Variants in EDNRB observed in about 807,000 individuals in gnomAD.
EDNRB encodes endothelin receptor type B, also known as Hirschsprung disease 2.
In EDNRB, 18 loss-of-function variants were observed where a neutral mutation model predicts 46.4. The observed-to-expected ratio is 0.39, with a 90% CI of 0.27 to 0.57. The LOEUF is 0.57. EDNRB is among the 20% of genes least tolerant of loss of function. EDNRB has a pLI of 0.61. For missense variants in EDNRB, 434 were observed against 537.5 expected, an observed-to-expected ratio of 0.81 and a Z score of 1.90; for synonymous variants, 213 against 204.9, an observed-to-expected ratio of 1.04 and a Z score of -0.34.
chr13:77,902,029 C>T (rs1001774503), intron 3 of EDNRB, among the ~76,000 whole-genome samples: 5 of 151,954 alleles, frequency 3.3e-5, no homozygotes, highest in Non-Finnish European at 7.4e-5. Context: ...CTTTTACACT[C>T]AGGATCTATC....
chr13:77,912,999 G>GA (rs1389490296), intron 1 of EDNRB, among the ~76,000 whole-genome samples: 1 of 151,998 alleles, frequency 6.6e-6, no homozygotes, highest in African/African-American at 2.4e-5. Flanking sequence ...TTACTGACTG[G>GA]AAAATTATAA....
intron 1 of EDNRB, among the ~76,000 whole-genome samples, chr13:77,928,722 A>G (rs1206490103): frequency 1.3e-5 from 2 of 152,212 alleles, no homozygotes; most frequent in African/African-American, 4.8e-5. Flanking sequence ...GTCTGAGAAC[A>G]ATGCTATTCT....
At chr13:77,954,896 C>A (rs1881193243) in intron 1 of EDNRB, among the ~76,000 whole-genome samples, 1 of 152,126 alleles carries the variant, frequency 6.6e-6, no homozygotes, top group Non-Finnish European at 1.5e-5. Flanking sequence ...GTTTCCATAT[C>A]TTGGCTATTG....
chr13:77,901,497 T>A (rs1275948058), intron 3 of EDNRB, among the ~76,000 whole-genome samples: 1 of 152,024 alleles, frequency 6.6e-6, no homozygotes, highest in Admixed American at 6.6e-5. Flanking sequence ...AATTCAATGC[T>A]TTGTCTTCAC....
At chr13:77,955,270 C>A (rs1440470090) in intron 1 of EDNRB, among the ~76,000 whole-genome samples, 1 of 152,044 alleles carries the variant, frequency 6.6e-6, no homozygotes, top group South Asian at 2.1e-4. Flanking sequence ...ATTTGTATGT[C>A]TTTGGAGAAA....
intron 3 of EDNRB, 25 bp downstream of exon 3, chr13:77,903,131 G>C: frequency 6.2e-7 from 1 of 1,610,912 alleles, no homozygotes; most frequent in Non-Finnish European, 8.5e-7. Context: ...AGAGCAGAAA[G>C]GAAAATAAAA....
At chr13:77,914,856 A>G (rs1447043656) in intron 1 of EDNRB, among the ~76,000 whole-genome samples, 1 of 152,230 alleles carries the variant, frequency 6.6e-6, no homozygotes, top group Non-Finnish European at 1.5e-5. Context: ...GTGATTTGTC[A>G]ACTTTACTGA....
chr13:77,972,985 T>C (rs1881781201), intron 1 of EDNRB, among the ~76,000 whole-genome samples: 1 of 152,104 alleles, frequency 6.6e-6, no homozygotes, highest in Non-Finnish European at 1.5e-5. Context: ...CGAGTTTTTC[T>C]TCTTTCCACC....
At chr13:77,945,907 C>T (rs1423630386) in intron 1 of EDNRB, among the ~76,000 whole-genome samples, 1 of 141,356 alleles carries the variant, frequency 7.1e-6, no homozygotes, top group Non-Finnish European at 1.5e-5. Flanking sequence ...AAAAAACACA[C>T]AATCCGAAGA....
intron 1 of EDNRB, among the ~76,000 whole-genome samples, chr13:77,974,576 CTCTG>C (rs1322085481): frequency 6.7e-6 from 1 of 149,596 alleles, no homozygotes; most frequent in Non-Finnish European, 1.5e-5. Flanking sequence ...ACTTGTATAT[CTCTG>C]TCTTTCTCTT....
rs142702059 is a variant in EDNRB, at chr13:77,914,954, G to A, written c.483+3137C>T. Among the ~76,000 whole-genome samples, 1,238 of 152,270 alleles carry A rather than the reference G, an allele frequency of 8.1e-3. 15 individuals are homozygous for A. Among genetic ancestry groups the A allele is most frequent in the African/African-American group, 0.028 (1,149 of 41,566 alleles). ...GGGCCCTTAGTGTGCCAACAAGAGAGTAGGAGAATTTCACAAACCCCCAGA... is the reference window on the plus strand; with the variant it reads ...GGGCCCTTAGTGTGCCAACAAGAGAATAGGAGAATTTCACAAACCCCCAGA... On this transcript the variant is annotated intron_variant, in intron 1 of 6. Transcript: ENST00000646607.
intron 1 of EDNRB, among the ~76,000 whole-genome samples, chr13:77,972,061 A>G (rs73552448): frequency 0.24 from 36,795 of 152,124 alleles, 5,470 homozygotes; most frequent in East Asian, 0.54. Flanking sequence ...CGTGAGAGAC[A>G]TGAAGTGAAC....
At chr13:77,912,289 A>G (rs1638993764) in intron 1 of EDNRB, among the ~76,000 whole-genome samples, 1 of 152,078 alleles carries the variant, frequency 6.6e-6, no homozygotes, top group Admixed American at 6.6e-5. Flanking sequence ...TGGCAGATCA[A>G]AGGCACACAC....
chr13:77,968,148 A>C (rs1881632887), intron 1 of EDNRB, among the ~76,000 whole-genome samples: 2 of 152,050 alleles, frequency 1.3e-5, no homozygotes, highest in South Asian at 4.1e-4. Context: ...TTTCTCCCAT[A>C]TATTTACATA....
chr13:77,958,335 C>G (rs1457134536), intron 1 of EDNRB, among the ~76,000 whole-genome samples: 2 of 149,884 alleles, frequency 1.3e-5, no homozygotes, highest in Non-Finnish European at 3.0e-5. Context: ...TTCAAATTTT[C>G]CCAGGTTATT....
At chr13:77,920,892 A>G (rs1294486720), upstream of EDNRB, among the ~76,000 whole-genome samples, 1 of 152,138 alleles carries the variant, frequency 6.6e-6, no homozygotes, top group Non-Finnish European at 1.5e-5. Flanking sequence ...CCCTTCCTAT[A>G]CAAGCTTTGT....
Position 77,898,131 on chromosome 13 carries a change from A to G in EDNRB, c.*69T>C. 6.3e-7 allele frequency: 1 copy of G among 1,580,576 alleles called. No individual in the cohort carries two copies. Among genetic ancestry groups the G allele is most frequent in the Non-Finnish European group, 8.6e-7 (1 of 1,162,578 alleles). On this transcript the variant is annotated 3_prime_UTR_variant, in exon 7 of 7. Transcript: ENST00000646607. ...ATAGTTTTTTGTTTTGTTTTGGCAA[A>G]TGTTTCATTTTGTTTTAATGACTTC... is the stretch of plus-strand genomic sequence containing the variant.
At chr13:77,906,150 A>G (rs1879266661) in intron 1 of EDNRB, among the ~76,000 whole-genome samples, 1 of 151,842 alleles carries the variant, frequency 6.6e-6, no homozygotes, top group Non-Finnish European at 1.5e-5. Context: ...TGGACACATG[A>G]TGTTGGAAGT....
chr13:77,972,176 C>T (rs1303982495), intron 1 of EDNRB, among the ~76,000 whole-genome samples: 1 of 152,146 alleles, frequency 6.6e-6, no homozygotes, highest in Non-Finnish European at 1.5e-5. Flanking sequence ...TTACTTCAGG[C>T]TGTAGAATAC....
Sources: gnomAD v4.1 joint callset for allele counts (sites outside exome capture counted in the v4.1 genomes callset) on GRCh38, gnomAD v4.1.1 for gene constraint, MANE v1.5 for transcripts, NCBI Gene and HGNC (gene_info 2026-07-23, HGNC 2026-07-21) for gene names.